Variants in HDAC5 observed in about 807,000 individuals in gnomAD.
HDAC5 encodes the protein histone deacetylase 5, also known as antigen NY-CO-9.
In HDAC5, 25 loss-of-function variants were observed where a neutral mutation model predicts 133.3. That is an observed-to-expected ratio of 0.19 (90% CI 0.14 to 0.26). The LOEUF is 0.26. Among genes scored for constraint, HDAC5 ranks in the 10% least tolerant of loss-of-function variants. The pLI is 1.00. For missense variants in HDAC5, 1,041 were observed against 1,460.5 expected, an observed-to-expected ratio of 0.71 and a Z score of 4.68; for synonymous variants, 589 against 610.8, an observed-to-expected ratio of 0.96 and a Z score of 0.53.
chr17:44,092,377 T>TTAC lies in HDAC5; in HGVS notation c.919+1_919+3dup, dbSNP rs779671587. 1.2e-6 allele frequency: 2 copies of TTAC among 1,612,122 alleles called. No individual in the cohort carries two copies. Among genetic ancestry groups the TTAC allele is most frequent in the Non-Finnish European group, 1.7e-6 (2 of 1,178,520 alleles). On this transcript the variant is annotated splice_donor_region_variant and intron_variant, in intron 8 of 26. Transcript: ENST00000682912. ...CAGAACAGGTACATGAGAGCAGCCC[T>TTAC]TACCCCCAGGCCCGGCACCTGTGAT...
intron 5 of HDAC5, 35 bp from the exon 6 acceptor site, chr17:44,093,241 G>A: frequency 6.3e-7 from 1 of 1,590,262 alleles, no homozygotes; most frequent in Non-Finnish European, 8.6e-7. Flanking sequence ...TGGCTGCTTG[G>A]GGCCAGACCC....
At chr17:44,123,282 G>A (rs932117917) in intron 1 of HDAC5, 4 of 314,352 alleles carry the variant, frequency 1.3e-5, no homozygotes, top group African/African-American at 2.2e-5. Flanking sequence ...TGTCTGGGAG[G>A]GGCAGGGAGG....
rs183321733 is a variant in HDAC5 at position 44,079,510 on chromosome 17, C to T, written c.2945-233G>A. Among the ~76,000 whole-genome samples the T allele has an allele frequency of 1.4e-4, 22 of 151,834 alleles. 1 individual carries two copies. The highest frequency in any genetic ancestry group is 4.6e-4 in the African/African-American group (19 of 41,408). ...CAATAATTAGCCGGCCATGGTGGCA[C>T]GCGCCTGTAATCCCAGCTACTTGGG... On this transcript the variant is annotated intron_variant, in intron 23 of 26. Coordinates refer to ENST00000682912, the MANE Select transcript of HDAC5 (RefSeq NM_005474.5).
Position 44,086,723 on chromosome 17 carries a change from G to T in HDAC5, c.1899C>A (p.Ala633=). Residue 633 remains alanine (A), a synonymous_variant, in exon 14 of 27, where the codon GCC becomes GCA. Coordinates refer to ENST00000682912, the MANE Select transcript of HDAC5 (RefSeq NM_005474.5). ...ACACCTGCAAAGGCTGCAGCGGCTG[G>T]GCATCTGAGAACAGCTGGAGGGGAG... The part of the protein sequence containing the change: ...GAGYKKLFSD[A]QPLQPLQVYQ... 1 of 1,297,316 alleles carries T rather than the reference G, an allele frequency of 7.7e-7. No individual in the cohort carries two copies. Among genetic ancestry groups the T allele is most frequent in the Non-Finnish European group, 9.8e-7 (1 of 1,015,988 alleles). 80.4% of individuals were successfully genotyped at this position (1,297,316 alleles called of 1,614,324 possible).
intron 3 of HDAC5, among the ~76,000 whole-genome samples, chr17:44,094,072 G>A (rs550354810): frequency 5.3e-5 from 8 of 152,340 alleles, no homozygotes; most frequent in African/African-American, 1.9e-4. Flanking sequence ...TGTAATCTCA[G>A]GTTAGTTTGG....
chr17:44,104,674 A>G (rs2051824718), intron 3 of HDAC5, among the ~76,000 whole-genome samples: 1 of 152,184 alleles, frequency 6.6e-6, no homozygotes, highest in Non-Finnish European at 1.5e-5. Context: ...TCAGGCCACA[A>G]TTGTGGGATC....
chr17:44,083,109 G>T (rs2143080837), intron 18 of HDAC5, among the ~76,000 whole-genome samples: 1 of 152,200 alleles, frequency 6.6e-6, no homozygotes, highest in Non-Finnish European at 1.5e-5. Flanking sequence ...CTCCTGAATA[G>T]CTAGGACTAC....
At position 44,092,813 on chromosome 17, in the gene HDAC5, TGGGGG is replaced by T; in HGVS notation, c.642-12_642-8del. Reference sequence around the variant, plus strand: ...AGAAGCATGGTGGGCTCCCCTGGGGTGGGGGGGGGGTGGGGATGGAAGCAGATCTA... The same window carrying T: ...AGAAGCATGGTGGGCTCCCCTGGGGTGGGGGTGGGGATGGAAGCAGATCTA... On this transcript the variant is annotated splice_region_variant and splice_polypyrimidine_tract_variant and intron_variant, in intron 6 of 26. Coordinates refer to ENST00000682912, the MANE Select transcript of HDAC5 (RefSeq NM_005474.5). 1.2e-5 allele frequency: 5 copies of T among 403,430 alleles called. No homozygotes were observed. The highest frequency in any genetic ancestry group is 5.2e-5 in the South Asian group (1 of 19,342). The allele number at this position is 403,430 out of a possible 1,614,324, so 25.0% of individuals were successfully genotyped here. A position where few individuals can be genotyped will look rare whatever the true frequency, so the allele number is the denominator to read the frequency against.
At position 44,087,689 on chromosome 17, in the gene HDAC5, G is replaced by A; in HGVS notation, c.1607C>T (p.Thr536Ile). The A allele has an allele frequency of 6.3e-7, 1 of 1,589,598 alleles. No individual in the cohort carries two copies. The highest frequency in any genetic ancestry group is 8.6e-7 in the Non-Finnish European group (1 of 1,167,324). The change falls in exon 13 of 27, where the codon ACC (threonine) becomes ATC (isoleucine). Residue 536 changes from threonine to isoleucine, a missense_variant. Physicochemically the swap from Thr to Ile is moderately conservative, Grantham distance 89. This residue lies in a region of HDAC5 where 433 missense variants were observed against 531.6 expected (regional missense o/e 0.81). Transcript: ENST00000682912. ...QQQLQLGKILTKTGELPRQPT... is the reference protein window; with the variant it reads ...QQQLQLGKILIKTGELPRQPT... ...CTGCCTGGGCAGCTCCCCTGTCTTG[G>A]TGAGGATCTGATAACAGAATATGGG... is the stretch of plus-strand genomic sequence containing the variant.
chr17:44,105,075 T>C (rs1272157337), intron 3 of HDAC5, among the ~76,000 whole-genome samples: 1 of 152,208 alleles, frequency 6.6e-6, no homozygotes, highest in African/African-American at 2.4e-5. Context: ...CCAGCTCTTC[T>C]GGCTCTCTGT....
chr17:44,092,365 T>C lies in HDAC5; in HGVS notation c.919+16A>G, dbSNP rs757765935. ...TTCCCAGACCCTCAGAACAGGTACA[T>C]GAGAGCAGCCCTTACCCCCAGGCCC... On this transcript the variant is annotated intron_variant, in intron 8 of 26. Transcript: ENST00000682912. 6.2e-7 allele frequency: 1 copy of C among 1,612,330 alleles called. No homozygotes were observed. The highest frequency in any genetic ancestry group is 8.5e-7 in the Non-Finnish European group (1 of 1,178,588).
intron 12 of HDAC5, 151 bp from the exon 13 acceptor site, chr17:44,087,847 ACTT>A (rs1334875851): frequency 2.2e-6 from 2 of 919,284 alleles, no homozygotes; most frequent in Non-Finnish European, 3.0e-6. Context: ...CTCTGAGAGG[ACTT>A]TTTTTTTTTT....
intron 21 of HDAC5, 51 bp downstream of exon 21, chr17:44,080,712 C>A: frequency 6.2e-7 from 1 of 1,611,732 alleles, no homozygotes; most frequent in Non-Finnish European, 8.5e-7. Flanking sequence ...TCCCATTGTG[C>A]CACCTCCCAG....
intron 3 of HDAC5, among the ~76,000 whole-genome samples, chr17:44,102,153 C>A (rs34877697): frequency 6.6e-6 from 1 of 152,190 alleles, no homozygotes; most frequent in African/African-American, 2.4e-5. Context: ...CATGGGCTCT[C>A]GTCTAAAGGG....
intron 14 of HDAC5, among the ~76,000 whole-genome samples, chr17:44,086,055 C>T (rs185605521): frequency 9.2e-5 from 14 of 152,174 alleles, no homozygotes; most frequent in South Asian, 2.1e-4. Flanking sequence ...CCTGGACACT[C>T]GCATGAGTCT....
intron 3 of HDAC5, among the ~76,000 whole-genome samples, chr17:44,109,991 G>C (rs1482937624): frequency 1.3e-5 from 2 of 152,246 alleles, no homozygotes; most frequent in Admixed American, 1.3e-4. Context: ...CCCACCCCTA[G>C]CCAAGAGCCA....
chr17:44,117,260 A>G lies in HDAC5; in HGVS notation c.22+234T>C, dbSNP rs552363908. ...TGAACACCCCTAAGTTGAGAGGGCA[A>G]GCATGGGGGGCAGAGTAGGACCCAT... On this transcript the variant is annotated intron_variant, in intron 2 of 26. Coordinates refer to ENST00000682912, the MANE Select transcript of HDAC5 (RefSeq NM_005474.5). The surrounding 1 kb of genome is among the most constrained non-coding windows in gnomAD (Gnocchi z 4.2). Among the ~76,000 whole-genome samples, 6 of 152,324 alleles carry G rather than the reference A, an allele frequency of 3.9e-5. No individual in the cohort carries two copies. In the South Asian group the frequency reaches 1.2e-3, roughly 32 times the overall value.
chr17:44,088,692 C>T (rs777269867), intron 11 of HDAC5, 94 bp from the exon 12 acceptor site: 5 of 1,500,562 alleles, frequency 3.3e-6, no homozygotes, highest in Non-Finnish European at 4.5e-6. Flanking sequence ...CCCCCTCTGG[C>T]ATATCACCAC....
In HDAC5 at chr17:44,110,785, C is replaced by T. The variant is rs761270583; in HGVS notation, c.38G>A (p.Arg13Gln). ...SPNESDGMSGREPSLEILPRT... is the reference protein window; with the variant it reads ...SPNESDGMSGQEPSLEILPRT... ...CGGCAGGATTTCCAAGGATGGTTCC[C>T]GACCTGACATCCCATCTGCTGAGAA... is the stretch of plus-strand genomic sequence containing the variant. The change falls in exon 3 of 27, where the codon CGG (arginine) becomes CAG (glutamine). Residue 13 changes from arginine (R) to glutamine (Q), a missense_variant. Physicochemically the swap from Arg to Gln is conservative, Grantham distance 43. Around this residue, in one of 9 missense-constraint regions of HDAC5, gnomAD observed 93 missense variants for 98.8 expected, o/e 0.94. Transcript: ENST00000682912. 1.1e-5 allele frequency: 18 copies of T among 1,613,720 alleles called. No homozygotes were observed. The highest frequency in any genetic ancestry group is 1.7e-5 in the Admixed American group (1 of 59,982).
Sources: allele counts gnomAD v4.1 joint callset (sites outside exome capture counted in the v4.1 genomes callset), GRCh38; gene constraint gnomAD v4.1.1; regional missense constraint gnomAD v4.1.1; non-coding constraint Gnocchi (gnomAD v3.1); transcripts MANE v1.5; gene names NCBI Gene and HGNC (gene_info 2026-07-23, HGNC 2026-07-21).